DYRK1A: variants seen among roughly 807,000 people sequenced by gnomAD.
DYRK1A encodes the protein dual specificity tyrosine-phosphorylation-regulated kinase 1A.
DYRK1A carries 9 observed loss-of-function variants against 79.7 expected under a neutral mutation model. That is an observed-to-expected ratio of 0.11 (90% CI 0.07 to 0.20). DYRK1A has a LOEUF of 0.20. Among genes scored for constraint, DYRK1A ranks in the 10% least tolerant of loss-of-function variants. The pLI is 1.00. For synonymous variants in DYRK1A, 349 were observed against 329.7 expected, an observed-to-expected ratio of 1.06 and a Z score of -0.63; for missense variants, 622 against 956.0, an observed-to-expected ratio of 0.65 and a Z score of 4.61.
At position 37,391,109 on chromosome 21, in the gene DYRK1A, A is replaced by G. The variant is rs1197841631; in HGVS notation, c.-77+23481A>G. Among the ~76,000 whole-genome samples the G allele has an allele frequency of 2.6e-5, 4 of 152,356 alleles. No individual in the cohort carries two copies. In the East Asian group the frequency reaches 7.7e-4, roughly 29 times the overall value. On this transcript the variant is annotated intron_variant, in intron 1 of 11. Coordinates refer to ENST00000647188, the MANE Select transcript of DYRK1A (RefSeq NM_001347721.2). ...TTATGGATTGTGCATTTGTTACCAA[A>G]TTTCAGAACTCTTCCTAGTGCCCTG... is the stretch of plus-strand genomic sequence containing the variant.
intron 2 of DYRK1A, among the ~76,000 whole-genome samples, chr21:37,449,413 A>T (rs892633892): frequency 2.6e-5 from 4 of 152,188 alleles, no homozygotes; most frequent in Non-Finnish European, 5.9e-5. Context: ...TTTTAAATTT[A>T]ATAGTGTCCA....
At chr21:37,385,814 G>A (rs1379599646) in intron 1 of DYRK1A, among the ~76,000 whole-genome samples, 2 of 152,136 alleles carry the variant, frequency 1.3e-5, no homozygotes, top group East Asian at 3.9e-4. Flanking sequence ...TAGTCTGAAA[G>A]ATTTTCCCTC....
chr21:37,373,163 TCTC>T (rs72134843), intron 1 of DYRK1A, among the ~76,000 whole-genome samples: 6,002 of 152,160 alleles, frequency 0.039, 413 homozygotes, highest in African/African-American at 0.14. Context: ...CAAAACAGCT[TCTC>T]CTCGCTTCAG....
At chr21:37,504,846 TAG>T in intron 9 of DYRK1A, 1 of 158,488 alleles carries the variant, frequency 6.3e-6, no homozygotes, top group Non-Finnish European at 1.4e-5. Context: ...GGTGCACAGT[TAG>T]GTAGGAAAGA....
At chr21:37,381,470 T>A (rs959802554) in intron 1 of DYRK1A, among the ~76,000 whole-genome samples, 2 of 152,188 alleles carry the variant, frequency 1.3e-5, no homozygotes, top group African/African-American at 4.8e-5. Flanking sequence ...TTTACTGAAA[T>A]GGGGACAGTC....
chr21:37,396,704 T>A (rs932866991), intron 1 of DYRK1A, among the ~76,000 whole-genome samples: 1 of 152,210 alleles, frequency 6.6e-6, no homozygotes, highest in Non-Finnish European at 1.5e-5. Context: ...CTTGAAGAAT[T>A]GGTAGACGAC....
At chr21:37,421,387 G>A (rs1364720618) in intron 2 of DYRK1A, among the ~76,000 whole-genome samples, 2 of 151,712 alleles carry the variant, frequency 1.3e-5, no homozygotes, top group Non-Finnish European at 2.9e-5. Flanking sequence ...AAATTGTTTC[G>A]GTGTACTATT....
rs777888971 is a variant in DYRK1A at position 37,490,417 on chromosome 21, A to G, written c.880A>G (p.Ile294Val). 2.3e-5 allele frequency: 37 copies of G among 1,613,664 alleles called. No individual in the cohort carries two copies. The highest frequency in any genetic ancestry group is 2.9e-5 in the Non-Finnish European group (34 of 1,179,670). ...ILLCNPKRSA[I>V]KIVDFGSSCQ... ...TCTTTGTAACCCCAAACGCAGTGCAATCAAGATAGTTGACTTTGGCAGTTC... is the reference window on the plus strand; with the variant it reads ...TCTTTGTAACCCCAAACGCAGTGCAGTCAAGATAGTTGACTTTGGCAGTTC... The change falls in exon 7 of 12, where the codon ATC becomes GTC. Residue 294 changes from isoleucine to valine, a missense_variant. This residue lies in a region of DYRK1A where 138 missense variants were observed against 346.4 expected (regional missense o/e 0.40). Transcript: ENST00000647188.
intron 2 of DYRK1A, among the ~76,000 whole-genome samples, chr21:37,421,423 T>G (rs2050472264): frequency 6.6e-6 from 1 of 152,146 alleles, no homozygotes; most frequent in African/African-American, 2.4e-5. Flanking sequence ...TGCTTGAATA[T>G]ATTTATAAAT....
intron 2 of DYRK1A, among the ~76,000 whole-genome samples, chr21:37,439,608 C>A (rs551057448): frequency 1.6e-4 from 25 of 152,244 alleles, no homozygotes; most frequent in African/African-American, 4.8e-4. Flanking sequence ...ATCCAGGTTG[C>A]GTGCTTCTTA....
At chr21:37,441,059 G>A (rs1019244580) in intron 2 of DYRK1A, among the ~76,000 whole-genome samples, 3 of 151,892 alleles carry the variant, frequency 2.0e-5, no homozygotes, top group Non-Finnish European at 4.4e-5. Flanking sequence ...TTTGGTCTGT[G>A]TGTTTTAAAG....
rs1351068288 is a variant in DYRK1A at position 37,514,452 on chromosome 21, C to T, written c.*1921C>T. On this transcript the variant is annotated 3_prime_UTR_variant, in exon 12 of 12. Transcript: ENST00000647188. ...AGCAGTAATCTACCTCTGCCGATAA[C>T]CTGTTTAAGATGACTCAGCAGAACA... 2 of 152,616 alleles carry T rather than the reference C, an allele frequency of 1.3e-5. No individual in the cohort carries two copies. Among genetic ancestry groups the T allele is most frequent in the African/African-American group, 4.8e-5 (2 of 41,438 alleles). The allele number at this position is 152,616 out of a possible 1,614,324, so 9.5% of individuals were successfully genotyped here.
upstream of DYRK1A, chr21:37,365,744 C>G (rs902948219): frequency 2.6e-5 from 4 of 152,272 alleles, no homozygotes; most frequent in African/African-American, 9.7e-5. Context: ...GAAAAGAAAA[C>G]CAGAGAGCTG....
chr21:37,455,770 TTGCC>T (rs1314276138), intron 2 of DYRK1A, among the ~76,000 whole-genome samples: 1 of 152,206 alleles, frequency 6.6e-6, no homozygotes, highest in African/African-American at 2.4e-5. Flanking sequence ...CATTTAGCAT[TTGCC>T]ATTTGCCAGG....
intron 2 of DYRK1A, chr21:37,430,519 C>A: frequency 1.8e-6 from 1 of 541,456 alleles, no homozygotes; most frequent in Non-Finnish European, 2.4e-6. Flanking sequence ...CCCTTGTTGC[C>A]CAACTCAAGA....
At chr21:37,508,947 CA>C (rs2053675403) in intron 11 of DYRK1A, among the ~76,000 whole-genome samples, 1 of 152,180 alleles carries the variant, frequency 6.6e-6, no homozygotes, top group Non-Finnish European at 1.5e-5. Flanking sequence ...AGATCTATTC[CA>C]TACCGCAAAC....
At chr21:37,422,320 G>C (rs1479927008) in intron 2 of DYRK1A, among the ~76,000 whole-genome samples, 2 of 152,124 alleles carry the variant, frequency 1.3e-5, no homozygotes, top group African/African-American at 4.8e-5. Flanking sequence ...ACAGCTTTCA[G>C]AATCATCATT....
At chr21:37,403,159 T>G (rs1447110326) in intron 1 of DYRK1A, among the ~76,000 whole-genome samples, 1 of 152,160 alleles carries the variant, frequency 6.6e-6, no homozygotes, top group African/African-American at 2.4e-5. Context: ...CTAGTAAATT[T>G]TGCCCTTTGG....
At chr21:37,377,959 A>G (rs1300422104) in intron 1 of DYRK1A, among the ~76,000 whole-genome samples, 2 of 152,210 alleles carry the variant, frequency 1.3e-5, no homozygotes, top group East Asian at 3.9e-4. Flanking sequence ...CACCAGGTAT[A>G]TGGATATTTG....
Sources: gnomAD v4.1 joint callset for allele counts (sites outside exome capture counted in the v4.1 genomes callset) on GRCh38, gnomAD v4.1.1 for gene constraint, gnomAD v4.1.1 regional missense constraint, MANE v1.5 for transcripts, NCBI Gene and HGNC (gene_info 2026-07-23, HGNC 2026-07-21) for gene names.